MYCBP2: variants seen among roughly 807,000 people sequenced by gnomAD.
MYCBP2 encodes the protein MYC binding protein 2, also known as E3 ubiquitin-protein ligase MYCBP2.
In MYCBP2, 120 loss-of-function variants were observed where a neutral mutation model predicts 525.3. That is an observed-to-expected ratio of 0.23 (90% CI 0.20 to 0.27). The LOEUF (loss-of-function observed/expected upper bound fraction) is 0.27, where lower values mean the gene tolerates loss of function less well. MYCBP2 is among the 10% of genes least tolerant of loss of function. The probability of loss-of-function intolerance (pLI) is 1.00; values close to 1 mark genes in which losing one functional copy is unlikely to be tolerated. For synonymous variants in MYCBP2, 1,894 were observed against 1,955.8 expected (o/e 0.97, Z 0.83); for missense variants, 4,149 against 5,657.1 (o/e 0.73, Z 8.55).
rs577131164 is a variant in MYCBP2, at chr13:77,243,177, AAACAAC to A, written c.2528-23_2528-18del. 8 of 1,508,896 alleles carry A rather than the reference AAACAAC, an allele frequency of 5.3e-6. No individual in the cohort carries two copies. The highest frequency in any genetic ancestry group is 6.5e-6 in the Non-Finnish European group (7 of 1,084,160). The allele number at this position is 1,508,896 out of a possible 1,614,324, so 93.5% of individuals were successfully genotyped here. On this transcript the variant is annotated intron_variant, in intron 16 of 82. Transcript: ENST00000544440. The stretch of plus-strand genomic sequence containing the variant: ...CTGGGACAGCTAGATGATTGGCCAA[AAACAAC>A]AACAACAACAACATATATGTTATAT...
chr13:77,087,664 A>G (rs1273603027), intron 61 of MYCBP2, 31 bp from the exon 62 acceptor site: 1 of 1,587,986 alleles, frequency 6.3e-7, no homozygotes, highest in South Asian at 1.1e-5. Context: ...TGAGTTCAAG[A>G]ATAAAATACA....
chr13:77,068,467 C>T lies in MYCBP2; in HGVS notation c.12171+98G>A, dbSNP rs1594194738. 2.2e-6 allele frequency: 3 copies of T among 1,370,976 alleles called. No homozygotes were observed. In the East Asian group the frequency reaches 7.8e-5, roughly 36 times the overall value. The allele number at this position is 1,370,976 out of a possible 1,614,324, so 84.9% of individuals were successfully genotyped here. ...ATATAACAAAATACGAAATAAAAATCTATACTTAGGGTCCTTAGATAATTC... is the reference window on the plus strand; with the variant it reads ...ATATAACAAAATACGAAATAAAAATTTATACTTAGGGTCCTTAGATAATTC... On this transcript the variant is annotated intron_variant, in intron 70 of 82. Coordinates refer to ENST00000544440, the MANE Select transcript of MYCBP2 (RefSeq NM_015057.5).
chr13:77,076,537 T>C (rs540188462), intron 68 of MYCBP2, among the ~76,000 whole-genome samples: 49 of 152,160 alleles, frequency 3.2e-4, no homozygotes, highest in Admixed American at 1.7e-3. Context: ...AAACCCAAGG[T>C]ATAGAGCAAA....
chr13:77,112,915 G>A (rs2049077603), intron 55 of MYCBP2, among the ~76,000 whole-genome samples: 1 of 151,898 alleles, frequency 6.6e-6, no homozygotes, highest in South Asian at 2.1e-4. Flanking sequence ...TTCTCTCTTA[G>A]TATCTTCTCT....
intron 17 of MYCBP2, among the ~76,000 whole-genome samples, chr13:77,234,648 G>C (rs1467756770): frequency 6.6e-6 from 1 of 151,792 alleles, no homozygotes; most frequent in Non-Finnish European, 1.5e-5. Flanking sequence ...TATTTTCTCA[G>C]GCTAAGGTTA....
At chr13:77,297,148 TC>T (rs2078279083) in intron 1 of MYCBP2, among the ~76,000 whole-genome samples, 3 of 152,210 alleles carry the variant, frequency 2.0e-5, no homozygotes, top group Admixed American at 2.0e-4. Flanking sequence ...TCTGGATACT[TC>T]ATTATCACAT....
chr13:77,212,285 G>A, intron 21 of MYCBP2, 125 bp from the exon 22 acceptor site: 2 of 736,938 alleles, frequency 2.7e-6, no homozygotes, highest in Non-Finnish European at 2.0e-6. Context: ...TGTTAGTTTG[G>A]GTTTTTAAAA....
In MYCBP2 at chr13:77,260,536, C is replaced by T. The variant is rs754803874; in HGVS notation, c.1909G>A (p.Gly637Arg). The T allele has an allele frequency of 1.9e-6, 3 of 1,610,256 alleles. No individual in the cohort carries two copies. The Admixed American group carries it at 5.1e-5, about 27-fold the overall frequency. The part of the protein sequence containing the change: ...YKPKKIIKME[G>R]KIVVYTACNN... ...CAGGCTGTATATACCACAATCTTTC[C>T]TTCCATCTTAATTATCTTTTTAGGT... The change falls in exon 13 of 83, where the codon GGA becomes AGA. Residue 637 changes from glycine (G) to arginine (R), a missense_variant. This residue lies in a region of MYCBP2 where 262 missense variants were observed against 419.3 expected (regional missense o/e 0.62). Coordinates refer to ENST00000544440, the MANE Select transcript of MYCBP2 (RefSeq NM_015057.5).
rs2055508393 is a variant in MYCBP2, at chr13:77,146,142, T to C, written c.7187+20A>G. 1 of 1,553,474 alleles carries C rather than the reference T, an allele frequency of 6.4e-7. No individual in the cohort carries two copies. Among genetic ancestry groups the C allele is most frequent in the Admixed American group, 1.9e-5 (1 of 52,026 alleles). On this transcript the variant is annotated intron_variant, in intron 48 of 82. Coordinates refer to ENST00000544440, the MANE Select transcript of MYCBP2 (RefSeq NM_015057.5). ...CTGACAACACATGTTTTGGTTATAC[T>C]TTGAGAAAACGATCCTTACCTCTTA...
chr13:77,237,371 A>ATATTTTAATAGAG (rs1281314610), intron 17 of MYCBP2, among the ~76,000 whole-genome samples: 1 of 152,202 alleles, frequency 6.6e-6, no homozygotes, highest in East Asian at 1.9e-4. Context: ...GTACATGATT[A>ATATTTTAATAGAG]TATTTTAATA....
rs1445775817 is a variant in MYCBP2, at chr13:77,089,068, C to T, written c.10526-37G>A. ...AAAGAAAATTATTAATTTTCATAGG[C>T]AGTGCATATATATTTAAGATAATAA... On this transcript the variant is annotated intron_variant, in intron 60 of 82. Transcript: ENST00000544440. 2.7e-6 allele frequency: 4 copies of T among 1,456,200 alleles called. No individual in the cohort carries two copies. The East Asian group carries it at 7.2e-5, about 26-fold the overall frequency. The allele number at this position is 1,456,200 out of a possible 1,614,324, so 90.2% of individuals were successfully genotyped here. A position where few individuals can be genotyped will look rare whatever the true frequency, so the allele number is the denominator to read the frequency against.
rs765380210 is a variant in MYCBP2, at chr13:77,098,974, G to C, written c.8180C>G (p.Ser2727Cys). ...GGACAGCTCTGATTTTCCTGATGTAGAGGCTGGTTTAGAAGATGTTGAGAT... is the reference window on the plus strand; with the variant it reads ...GGACAGCTCTGATTTTCCTGATGTACAGGCTGGTTTAGAAGATGTTGAGAT... ...GNISTSSKPA[S>C]TSGKSELSSK... Residue 2727 changes from serine to cysteine, a missense_variant, in exon 56 of 83, where the codon TCT (serine) becomes TGT (cysteine). Ser to Cys is a moderately radical substitution (Grantham distance 112, BLOSUM62 -1). Coordinates refer to ENST00000544440, the MANE Select transcript of MYCBP2 (RefSeq NM_015057.5). 1 of 1,611,228 alleles carries C rather than the reference G, an allele frequency of 6.2e-7. No individual in the cohort carries two copies. The highest frequency in any genetic ancestry group is 1.1e-5 in the South Asian group (1 of 91,054).
chr13:77,050,282 G>A (rs1202600412), intron 82 of MYCBP2, among the ~76,000 whole-genome samples: 1 of 152,066 alleles, frequency 6.6e-6, no homozygotes, highest in Non-Finnish European at 1.5e-5. Flanking sequence ...GTGTTTTCTA[G>A]CTTTGACAAC....
At chr13:77,263,908 C>T (rs187757484) in intron 9 of MYCBP2, 21 bp downstream of exon 9, 8 of 1,609,154 alleles carry the variant, frequency 5.0e-6, no homozygotes, top group Admixed American at 1.7e-5. Flanking sequence ...ACACTAGCTA[C>T]TTAAGATTCA....
chr13:77,251,135 A>T lies in MYCBP2; in HGVS notation c.2381+16T>A. The T allele has an allele frequency of 1.2e-6, 2 of 1,611,346 alleles. No individual in the cohort carries two copies. Among genetic ancestry groups the T allele is most frequent in the Middle Eastern group, 3.3e-4 (2 of 6,018 alleles). ...TGTTCTGCACATGTTCTTTAGTAGGAATCATTGTCTCTTACCCTCCGGGGA... is the reference window on the plus strand; with the variant it reads ...TGTTCTGCACATGTTCTTTAGTAGGTATCATTGTCTCTTACCCTCCGGGGA... On this transcript the variant is annotated intron_variant, in intron 15 of 82. Coordinates refer to ENST00000544440, the MANE Select transcript of MYCBP2 (RefSeq NM_015057.5).
chr13:77,071,697 A>C (rs2041315870), intron 68 of MYCBP2, among the ~76,000 whole-genome samples: 1 of 152,206 alleles, frequency 6.6e-6, no homozygotes, highest in South Asian at 2.1e-4. Context: ...AAGGCTCTTA[A>C]AGACTTGAAT....
intron 42 of MYCBP2, 41 bp from the exon 43 acceptor site, chr13:77,164,582 AATG>A (rs2058320742): frequency 8.5e-7 from 1 of 1,171,970 alleles, no homozygotes; most frequent in Admixed American, 1.7e-5. Context: ...AAAATGTTTG[AATG>A]ATAATACGGA....
chr13:77,275,262 T>C (rs975902445), intron 4 of MYCBP2, among the ~76,000 whole-genome samples: 3 of 152,242 alleles, frequency 2.0e-5, no homozygotes, highest in Non-Finnish European at 4.4e-5. Flanking sequence ...AGAGAATGAC[T>C]TTCCATTCCT....
chr13:77,291,498 CAG>C (rs2077466772), intron 2 of MYCBP2, among the ~76,000 whole-genome samples: 1 of 152,184 alleles, frequency 6.6e-6, no homozygotes, highest in Non-Finnish European at 1.5e-5. Flanking sequence ...AGGCCGGGTG[CAG>C]TGACTCACGC....
Sources: allele counts gnomAD v4.1 joint callset (sites outside exome capture counted in the v4.1 genomes callset), GRCh38; gene constraint gnomAD v4.1.1; regional missense constraint gnomAD v4.1.1; transcripts MANE v1.5; gene names NCBI Gene and HGNC (gene_info 2026-07-23, HGNC 2026-07-21).